Variants in STK24 observed in about 807,000 individuals in gnomAD.
The protein encoded by STK24 is serine/threonine kinase 24, also known as serine/threonine-protein kinase 24.
Under a neutral mutation model 55.6 loss-of-function variants are expected in STK24, and 21 were observed. The observed-to-expected ratio is 0.38, with a 90% confidence interval of 0.27 to 0.54. The LOEUF (loss-of-function observed/expected upper bound fraction) is 0.54. STK24 is among the 20% of genes least tolerant of loss of function. The pLI is 0.79. For missense variants in STK24, 383 were observed against 538.4 expected (o/e 0.71, Z 2.86); for synonymous variants, 200 against 215.2 (o/e 0.93, Z 0.62).
At chr13:98,488,160 G>GACACAC (rs71213678) in intron 2 of STK24, among the ~76,000 whole-genome samples, 14,945 of 130,228 alleles carry the variant, frequency 0.11, 985 homozygotes, top group East Asian at 0.19. Flanking sequence ...AAGAGATGAA[G>GACACAC]ACACACACAC....
chr13:98,557,346 A>G (rs530714703), intron 1 of STK24, among the ~76,000 whole-genome samples: 1 of 152,312 alleles, frequency 6.6e-6, no homozygotes, highest in Admixed American at 6.5e-5. Context: ...AGAATTCCTT[A>G]TCTACATAGG....
In STK24 at chr13:98,463,848, C is replaced by T; in HGVS notation, c.784-12G>A. 1.2e-6 allele frequency: 2 copies of T among 1,610,068 alleles called. No individual in the cohort carries two copies. On this transcript the variant is annotated splice_polypyrimidine_tract_variant and intron_variant, in intron 6 of 10. Transcript: ENST00000539966. ...TTAGCAGTGGGTCTCTGGAAAAACA[C>T]ACCCAACAATTAAAGTATGAGATGA...
intron 1 of STK24, among the ~76,000 whole-genome samples, chr13:98,532,765 C>T (rs920146807): frequency 6.6e-6 from 1 of 152,176 alleles, no homozygotes; most frequent in Admixed American, 6.5e-5. Context: ...CAGTAACATG[C>T]TTTTCTACAC....
rs187720470 is a variant in STK24 at position 98,484,551 on chromosome 13, G to A, written c.274-2230C>T. Reference sequence around the variant, plus strand: ...CTGAGGGTCACCAGGCAGCTTCCTGGAGCAGCAAGGCACAAGTGACCACCC... The same window carrying A: ...CTGAGGGTCACCAGGCAGCTTCCTGAAGCAGCAAGGCACAAGTGACCACCC... On this transcript the variant is annotated intron_variant, in intron 2 of 10. Transcript: ENST00000539966. Among the ~76,000 whole-genome samples, 309 of 152,244 alleles carry A rather than the reference G, an allele frequency of 2.0e-3. 1 individual carries two copies. Among genetic ancestry groups the A allele is most frequent in the Middle Eastern group, 3.4e-3 (1 of 294 alleles).
At chr13:98,484,223 G>C (rs994723871) in intron 2 of STK24, among the ~76,000 whole-genome samples, 1 of 152,176 alleles carries the variant, frequency 6.6e-6, no homozygotes, top group African/African-American at 2.4e-5. Context: ...TGCTCCTGGG[G>C]AATGGGTATG....
In STK24 at chr13:98,446,860, C is replaced by T. The variant is rs776486518; in HGVS notation, c.*6313G>A. ...ACGCACAGGGCCCTGCAGAAGAGGA[C>T]CCCCTCTTCCAAACATCAGGATTTC... On this transcript the variant is annotated 3_prime_UTR_variant, in exon 11 of 11. Coordinates refer to ENST00000539966, the MANE Select transcript of STK24 (RefSeq NM_001032296.4). The T allele has an allele frequency of 3.1e-6, 5 of 1,593,684 alleles. No homozygotes were observed. The South Asian group carries it at 4.4e-5, about 14-fold the overall frequency.
intron 6 of STK24, among the ~76,000 whole-genome samples, chr13:98,465,970 A>G (rs1893913236): frequency 6.6e-6 from 1 of 152,230 alleles, no homozygotes; most frequent in Admixed American, 6.5e-5. Context: ...TTTGTTTCCT[A>G]ACACATGCCA....
intron 2 of STK24, among the ~76,000 whole-genome samples, chr13:98,507,358 G>A (rs377014904): frequency 6.6e-6 from 1 of 152,268 alleles, no homozygotes; most frequent in East Asian, 1.9e-4. Context: ...GAAAGCCTGA[G>A]CAAATTAGCA....
intron 9 of STK24, among the ~76,000 whole-genome samples, chr13:98,459,771 A>G (rs1893623416): frequency 6.6e-6 from 1 of 152,242 alleles, no homozygotes; most frequent in African/African-American, 2.4e-5. Flanking sequence ...AAAAGAGGGG[A>G]CTTCCAACTT....
Sources: gnomAD v4.1 joint callset for allele counts (sites outside exome capture counted in the v4.1 genomes callset) on GRCh38, gnomAD v4.1.1 for gene constraint, MANE v1.5 for transcripts, NCBI Gene and HGNC (gene_info 2026-07-23, HGNC 2026-07-21) for gene names.